The following UBR4 variants were observed in gnomAD, a reference collection of about 807,000 sequenced individuals.
UBR4 encodes the protein E3 ubiquitin-protein ligase UBR4.
UBR4 carries 124 observed loss-of-function variants against 575.6 expected under a neutral mutation model. That is an observed-to-expected ratio of 0.22 (90% CI 0.19 to 0.25). The LOEUF (loss-of-function observed/expected upper bound fraction) is 0.25. Among genes scored for constraint, UBR4 ranks in the 10% least tolerant of loss-of-function variants. The pLI is 1.00. For synonymous variants in UBR4, 2,455 were observed against 2,473.7 expected (o/e 0.99, Z 0.22); for missense variants, 4,818 against 6,478.8 (o/e 0.74, Z 8.80).
At chr1:19,134,806 A>C (rs79105457) in intron 60 of UBR4, among the ~76,000 whole-genome samples, 2,991 of 152,178 alleles carry the variant, frequency 0.02, 41 homozygotes, top group South Asian at 0.056. Context: ...AAACTGTAAT[A>C]CATGACTTCC....
At chr1:19,138,219 CA>C (rs1209402211) in intron 59 of UBR4, 38 bp from the exon 60 acceptor site, 1 of 1,464,916 alleles carries the variant, frequency 6.8e-7, no homozygotes, top group Admixed American at 2.2e-5. Flanking sequence ...AATCAACTCC[CA>C]AAGCATGAAG....
At chr1:19,178,092 C>T (rs2090470240) in intron 18 of UBR4, among the ~76,000 whole-genome samples, 1 of 152,082 alleles carries the variant, frequency 6.6e-6, no homozygotes, top group Non-Finnish European at 1.5e-5. Flanking sequence ...TGCTATTGTT[C>T]CTTTCTGATT....
In UBR4 at chr1:19,076,161, A is replaced by G. The variant is rs75880047; in HGVS notation, c.15487+579T>C. ...GTGTTTGTTTGCAATTAGAATGACA[A>G]ATTTGTTACACAAAGAATTTCAATT... On this transcript the variant is annotated intron_variant, in intron 105 of 105. Coordinates refer to ENST00000375254, the MANE Select transcript of UBR4 (RefSeq NM_020765.3). 7.6e-4 allele frequency among the ~76,000 whole-genome samples: 116 copies of G among 152,352 alleles called. No homozygotes were observed. In the East Asian group the frequency reaches 0.019, roughly 25 times the overall value.
At position 19,097,294 on chromosome 1, in the gene UBR4, G is replaced by A; in HGVS notation, c.13303-14C>T. 1 of 1,610,618 alleles carries A rather than the reference G, an allele frequency of 6.2e-7. No individual in the cohort carries two copies. Among genetic ancestry groups the A allele is most frequent in the Non-Finnish European group, 8.5e-7 (1 of 1,178,544 alleles). ...CATGGGCTCTCCCTGAGCAGAGAAA[G>A]TTGGAGAAAGGTACTTAAAAACAGG... is the stretch of plus-strand genomic sequence containing the variant. On this transcript the variant is annotated splice_polypyrimidine_tract_variant and intron_variant, in intron 90 of 105. Transcript: ENST00000375254.
chr1:19,164,337 A>G lies in UBR4; in HGVS notation c.4616T>C (p.Val1539Ala). Residue 1539 changes from valine to alanine, a missense_variant, in exon 33 of 106, where the codon GTT becomes GCT. Physicochemically the swap from Val to Ala is moderately conservative, Grantham distance 64. Coordinates refer to ENST00000375254, the MANE Select transcript of UBR4 (RefSeq NM_020765.3). ...GDGTGFPELM[V>A]VMATLASAGQ... ...TGCACTGGCCAGAGTGGCCATCACA[A>G]CCATAAGTTCAGGGAAGCCAGTCCC... 6.2e-7 allele frequency: 1 copy of G among 1,614,166 alleles called. No individual in the cohort carries two copies. The highest frequency in any genetic ancestry group is 8.5e-7 in the Non-Finnish European group (1 of 1,180,030).
rs1557743630 is a variant in UBR4, at chr1:19,139,426, G to A, written c.8594-206C>T. Among the ~76,000 whole-genome samples the A allele has an allele frequency of 3.3e-5, 5 of 152,144 alleles. No individual in the cohort carries two copies. The South Asian group carries it at 1.0e-3, about 31-fold the overall frequency. ...ACTAACAGGAACAAACACTATACAC[G>A]GTGCATTGCAAACAGTACTTAGACA... On this transcript the variant is annotated intron_variant, in intron 58 of 105. Coordinates refer to ENST00000375254, the MANE Select transcript of UBR4 (RefSeq NM_020765.3). The surrounding 1 kb of genome is among the most constrained non-coding windows in gnomAD (Gnocchi z 4.2).
Position 19,129,002 on chromosome 1 carries a change from A to G in UBR4, c.8979T>C (p.Gly2993=). 1 of 1,614,102 alleles carries G rather than the reference A, an allele frequency of 6.2e-7. No homozygotes were observed. The highest frequency in any genetic ancestry group is 8.5e-7 in the Non-Finnish European group (1 of 1,179,992). The change falls in exon 61 of 106, where the codon GGT becomes GGC. Residue 2993 remains glycine (G), a synonymous_variant. Coordinates refer to ENST00000375254, the MANE Select transcript of UBR4 (RefSeq NM_020765.3). ...QTLPQLRNVG[G]VRAIPYMQVI... ...CCTGCATGTATGGGATGGCCCGGAC[A>G]CCGCCAACGTTTCGTAATTGAGGCA...
Position 19,156,414 on chromosome 1 carries a change from C to T in UBR4, c.5929G>A (p.Val1977Met), listed in dbSNP as rs756942749. ...LAVCGLKDCHVLTFSSSGSVS... is the reference protein window; with the variant it reads ...LAVCGLKDCHMLTFSSSGSVS... Reference sequence around the variant, plus strand: ...GAGCCTGAGCTACTAAAGGTGAGCACATGACAGTCCTGGACAATGTTTAAG... The same window carrying T: ...GAGCCTGAGCTACTAAAGGTGAGCATATGACAGTCCTGGACAATGTTTAAG... Residue 1977 changes from valine to methionine, a missense_variant, in exon 42 of 106, where the codon GTG (valine) becomes ATG (methionine). By Grantham distance (21) the Val-to-Met change is conservative. Coordinates refer to ENST00000375254, the MANE Select transcript of UBR4 (RefSeq NM_020765.3). 4.3e-6 allele frequency: 7 copies of T among 1,614,032 alleles called. No homozygotes were observed. In the South Asian group the frequency reaches 6.6e-5, roughly 15 times the overall value.
chr1:19,144,980 GTGTAACCTTTTATCTCCAT>G, intron 53 of UBR4, 73 bp from the exon 54 acceptor site: 2 of 1,578,820 alleles, frequency 1.3e-6, no homozygotes, highest in Non-Finnish European at 1.7e-6. Context: ...TGAGACAAAA[GTGTAACCTTTTATCTCCAT>G]GTAAAAGGTC....
chr1:19,118,636 G>C, intron 71 of UBR4: 1 of 520,848 alleles, frequency 1.9e-6, no homozygotes, highest in Admixed American at 3.5e-5. Flanking sequence ...TGTTGCCCAG[G>C]CTATACAGAC....
At chr1:19,109,464 A>G (rs1259240464) in intron 81 of UBR4, among the ~76,000 whole-genome samples, 4 of 152,250 alleles carry the variant, frequency 2.6e-5, no homozygotes, top group Non-Finnish European at 5.9e-5. Flanking sequence ...CAGCTAGCCT[A>G]GTAGAGAACT....
chr1:19,177,574 C>T lies in UBR4; in HGVS notation c.2524G>A (p.Val842Ile), dbSNP rs149705208. The change falls in exon 19 of 106, where the codon GTC becomes ATC. Residue 842 changes from valine to isoleucine, a missense_variant. Physicochemically the swap from Val to Ile is conservative, Grantham distance 29 (BLOSUM62 3). Coordinates refer to ENST00000375254, the MANE Select transcript of UBR4 (RefSeq NM_020765.3). ...AAGCGCATCTGAGCATCCATGTTGA[C>T]GCTCAACTCCTGGATGATCTGGACA... ...LFVQIIQELS[V>I]NMDAQMRFVP... The T allele has an allele frequency of 2.8e-5, 45 of 1,613,884 alleles. No homozygotes were observed. The highest frequency in any genetic ancestry group is 1.6e-4 in the Middle Eastern group (1 of 6,062).
At chr1:19,206,516 A>G (rs754696349) in intron 1 of UBR4, among the ~76,000 whole-genome samples, 7 of 152,142 alleles carry the variant, frequency 4.6e-5, no homozygotes, top group Non-Finnish European at 8.8e-5. Flanking sequence ...TTGTATTTTT[A>G]GTAGAAACAG....
At chr1:19,094,834 C>T in intron 94 of UBR4, 72 bp downstream of exon 94, 1 of 1,573,082 alleles carries the variant, frequency 6.4e-7, no homozygotes, top group Non-Finnish European at 8.6e-7. Flanking sequence ...CAGACACAAA[C>T]AGGCCTGTTG....
chr1:19,173,605 T>G lies in UBR4; in HGVS notation c.2999A>C (p.Gln1000Pro). The change falls in exon 23 of 106, where the codon CAA (glutamine) becomes CCA (proline). Residue 1000 changes from glutamine (Q) to proline (P), a missense_variant. Around this residue, in one of 29 missense-constraint regions of UBR4, gnomAD observed 1,172 missense variants for 1,259.7 expected, o/e 0.93. Coordinates refer to ENST00000375254, the MANE Select transcript of UBR4 (RefSeq NM_020765.3). The stretch of plus-strand genomic sequence containing the variant: ...CCTCCACAGTATCAAGAAGTAATAT[T>G]GAAGGGCACAGGCCTCCTGGAGAAA... ...NVTALEACAL[Q>P]YYFLILWRIL... is the part of the protein sequence containing the mutation. The G allele has an allele frequency of 3.7e-6, 6 of 1,614,062 alleles. No homozygotes were observed. Among genetic ancestry groups the G allele is most frequent in the Non-Finnish European group, 5.1e-6 (6 of 1,179,982 alleles).
chr1:19,161,910 TAA>T lies in UBR4; in HGVS notation c.4957-15_4957-14del. On this transcript the variant is annotated splice_polypyrimidine_tract_variant and intron_variant, in intron 35 of 105. Coordinates refer to ENST00000375254, the MANE Select transcript of UBR4 (RefSeq NM_020765.3). ...GAGAATCTTCATCCTTCAAAAATAA[TAA>T]GTCTTTTTAATTCGAAATATATCCC... The T allele has an allele frequency of 6.2e-7, 1 of 1,613,846 alleles. No individual in the cohort carries two copies.
intron 103 of UBR4, 61 bp downstream of exon 103, chr1:19,081,288 C>G: frequency 4.2e-6 from 6 of 1,440,532 alleles, no homozygotes; most frequent in South Asian, 2.7e-5. Flanking sequence ...TACCACTAAG[C>G]AGCTTTTCAA....
At chr1:19,148,156 T>C (rs2085126855) in intron 50 of UBR4, 29 bp from the exon 51 acceptor site, 1 of 1,588,040 alleles carries the variant, frequency 6.3e-7, no homozygotes, top group Non-Finnish European at 8.6e-7. Context: ...GGGTTATCAC[T>C]AACCCCACCA....
intron 103 of UBR4, chr1:19,079,201 G>A (rs2076244919): frequency 6.6e-6 from 1 of 152,188 alleles, no homozygotes; most frequent in East Asian, 1.9e-4. Context: ...TGAAGGGGCT[G>A]CCTAGCATGA....
Sources: allele counts gnomAD v4.1 joint callset (sites outside exome capture counted in the v4.1 genomes callset), GRCh38; gene constraint gnomAD v4.1.1; regional missense constraint gnomAD v4.1.1; non-coding constraint Gnocchi (gnomAD v3.1); transcripts MANE v1.5; gene names NCBI Gene and HGNC (gene_info 2026-07-23, HGNC 2026-07-21).